Variants in LRFN2 observed in about 807,000 individuals in gnomAD.
The protein encoded by LRFN2 is leucine rich repeat and fibronectin type III domain containing 2.
In LRFN2, 18 loss-of-function variants were observed where a neutral mutation model predicts 37.3. That is an observed-to-expected ratio of 0.48 (90% confidence interval 0.33 to 0.72). LRFN2 has a LOEUF of 0.72. LRFN2 is among the 30% of genes least tolerant of loss of function. The probability of loss-of-function intolerance (pLI) is 0.02; values close to 1 mark genes in which losing one functional copy is unlikely to be tolerated. For missense variants in LRFN2, 1,006 were observed against 1,060.7 expected (o/e 0.95, Z 0.72); for synonymous variants, 556 against 466.6 (o/e 1.19, Z -2.47).
intron 2 of LRFN2, among the ~76,000 whole-genome samples, chr6:40,395,770 G>C (rs1762602400): frequency 6.6e-6 from 1 of 152,222 alleles, no homozygotes; most frequent in Admixed American, 6.5e-5. Flanking sequence ...GAAGTGTTAT[G>C]CAAAGATAAC....
chr6:40,402,065 T>G (rs1762751589), intron 2 of LRFN2, among the ~76,000 whole-genome samples: 1 of 152,134 alleles, frequency 6.6e-6, no homozygotes, highest in African/African-American at 2.4e-5. Flanking sequence ...TCCCAGATTC[T>G]CTCTCTTCCT....
chr6:40,547,334 A>T (rs904163964), intron 1 of LRFN2, among the ~76,000 whole-genome samples: 1 of 151,996 alleles, frequency 6.6e-6, no homozygotes, highest in Non-Finnish European at 1.5e-5. Context: ...CGAACTCCTG[A>T]CCTCAGGTGA....
intron 1 of LRFN2, among the ~76,000 whole-genome samples, chr6:40,519,709 C>T (rs1034644931): frequency 1.3e-5 from 2 of 152,180 alleles, no homozygotes; most frequent in Non-Finnish European, 2.9e-5. Flanking sequence ...TATTACTCAG[C>T]AAGTGCTGAC....
chr6:40,428,190 G>A (rs977541890), intron 2 of LRFN2, among the ~76,000 whole-genome samples: 6 of 152,216 alleles, frequency 3.9e-5, no homozygotes, highest in African/African-American at 1.4e-4. Context: ...TGCTGCTGTT[G>A]CTGCTGCTGC....
chr6:40,526,569 C>A (rs1421911757), intron 1 of LRFN2, among the ~76,000 whole-genome samples: 6 of 152,160 alleles, frequency 3.9e-5, no homozygotes, highest in Admixed American at 3.9e-4. Flanking sequence ...TCCACCATGG[C>A]AGCATTCTCC....
Position 40,431,868 on chromosome 6 carries a change from C to T in LRFN2, c.1246G>A (p.Glu416Lys). ...CGTTCCGGGGGGCTTTTGGGAGGCT[C>T]TCCGCCCCCACTGCCTCCACCTCCC... Reference protein sequence around the residue: ...SRGGGGSGGGEPPKSPPERAV... With the variant: ...SRGGGGSGGGKPPKSPPERAV... Residue 416 changes from glutamate to lysine, a missense_variant, in exon 2 of 3, where the codon GAG becomes AAG. Around this residue, in one of 4 missense-constraint regions of LRFN2, gnomAD observed 303 missense variants for 299.8 expected, o/e 1.01. Coordinates refer to ENST00000338305, the MANE Select transcript of LRFN2 (RefSeq NM_020737.3). 6.3e-7 allele frequency: 1 copy of T among 1,598,968 alleles called. No individual in the cohort carries two copies. Among genetic ancestry groups the T allele is most frequent in the Non-Finnish European group, 8.5e-7 (1 of 1,171,332 alleles).
chr6:40,564,678 T>C (rs1767056831), intron 1 of LRFN2, among the ~76,000 whole-genome samples: 1 of 152,214 alleles, frequency 6.6e-6, no homozygotes. Flanking sequence ...TTCCACAATG[T>C]AATTAGAGTG....
At chr6:40,400,383 G>A (rs1010122313) in intron 2 of LRFN2, among the ~76,000 whole-genome samples, 1 of 150,684 alleles carries the variant, frequency 6.6e-6, no homozygotes, top group Admixed American at 6.6e-5. Context: ...TCAGACACTG[G>A]CTGGTTCTGA....
chr6:40,437,660 T>G (rs907051768), intron 1 of LRFN2, among the ~76,000 whole-genome samples: 4 of 152,204 alleles, frequency 2.6e-5, no homozygotes, highest in Non-Finnish European at 5.9e-5. Context: ...CTTAATATGT[T>G]GTTCTAACAG....
At chr6:40,523,627 C>A (rs1451335979) in intron 1 of LRFN2, among the ~76,000 whole-genome samples, 4 of 151,752 alleles carry the variant, frequency 2.6e-5, no homozygotes, top group Admixed American at 1.3e-4. Context: ...TCTGTGCCAG[C>A]CCCTGGGCAG....
At chr6:40,583,288 G>A (rs185420413) in intron 1 of LRFN2, among the ~76,000 whole-genome samples, 1 of 136,274 alleles carries the variant, frequency 7.3e-6, no homozygotes, top group African/African-American at 2.9e-5. Context: ...GTGATTAGGA[G>A]AAACCCTCCA....
At position 40,431,750 on chromosome 6, in the gene LRFN2, T is replaced by C; in HGVS notation, c.1364A>G (p.Gln455Arg). The change falls in exon 2 of 3, where the codon CAG (glutamine) becomes CGG (arginine). Residue 455 changes from glutamine to arginine, a missense_variant. By Grantham distance (43) the Gln-to-Arg change is conservative. Around this residue, in one of 4 missense-constraint regions of LRFN2, gnomAD observed 120 missense variants for 178.4 expected, o/e 0.67. Coordinates refer to ENST00000338305, the MANE Select transcript of LRFN2 (RefSeq NM_020737.3). ...TACCTCATCGTCAGAGCAGTTGTACTGCAGCTGGTACATCTTCACCCGGGG... is the reference window on the plus strand; with the variant it reads ...TACCTCATCGTCAGAGCAGTTGTACCGCAGCTGGTACATCTTCACCCGGGG... Reference protein sequence around the residue: ...SAPRVKMYQLQYNCSDDEVLI... With the variant: ...SAPRVKMYQLRYNCSDDEVLI... The C allele has an allele frequency of 6.6e-7, 1 of 1,522,502 alleles. No individual in the cohort carries two copies. Among genetic ancestry groups the C allele is most frequent in the Non-Finnish European group, 8.8e-7 (1 of 1,135,630 alleles). The allele number at this position is 1,522,502 out of a possible 1,614,324, so 94.3% of individuals were successfully genotyped here. A position where few individuals can be genotyped will look rare whatever the true frequency, so the allele number is the denominator to read the frequency against.
rs753875355 is a variant in LRFN2, at chr6:40,392,954, T to C, written c.1401-42A>G. 9 of 1,377,964 alleles carry C rather than the reference T, an allele frequency of 6.5e-6. No individual in the cohort carries two copies. The highest frequency in any genetic ancestry group is 8.5e-6 in the Non-Finnish European group (9 of 1,058,248). The allele number at this position is 1,377,964 out of a possible 1,614,324, so 85.4% of individuals were successfully genotyped here. A position where few individuals can be genotyped will look rare whatever the true frequency, so the allele number is the denominator to read the frequency against. On this transcript the variant is annotated intron_variant, in intron 2 of 2. Coordinates refer to ENST00000338305, the MANE Select transcript of LRFN2 (RefSeq NM_020737.3). This position sits in a 1 kb window ranked among gnomAD's most constrained non-coding sequence, Gnocchi z 4.7. ...ACAGAAATAGTGAGGGGTGGTGGGG[T>C]GGAAGGACAGGGTGATGGGGAGTGG...
At chr6:40,401,128 T>C (rs1193119295) in intron 2 of LRFN2, among the ~76,000 whole-genome samples, 2 of 151,568 alleles carry the variant, frequency 1.3e-5, no homozygotes, top group Non-Finnish European at 2.9e-5. Context: ...CATTTGGGCC[T>C]CAGGAATAGG....
At position 40,431,835 on chromosome 6, in the gene LRFN2, G is replaced by A. The variant is rs1441971972; in HGVS notation, c.1279C>T (p.Leu427Phe). ...PPKSPPERAV[L>F]VSEVTTTSAL... The stretch of plus-strand genomic sequence containing the variant: ...GAGGTGGTGGTCACTTCAGACACAA[G>A]CACAGCCCGTTCCGGGGGGCTTTTG... The change falls in exon 2 of 3, where the codon CTT (leucine) becomes TTT (phenylalanine). Residue 427 changes from leucine (L) to phenylalanine (F), a missense_variant. By Grantham distance (22) the Leu-to-Phe change is conservative. Around this residue, in one of 4 missense-constraint regions of LRFN2, gnomAD observed 120 missense variants for 178.4 expected, o/e 0.67. Coordinates refer to ENST00000338305, the MANE Select transcript of LRFN2 (RefSeq NM_020737.3). 6.3e-7 allele frequency: 1 copy of A among 1,576,642 alleles called. No individual in the cohort carries two copies.
At chr6:40,442,615 T>A (rs1024440730) in intron 1 of LRFN2, among the ~76,000 whole-genome samples, 4 of 151,904 alleles carry the variant, frequency 2.6e-5, no homozygotes, top group African/African-American at 9.7e-5. Context: ...GGGTCTCCTC[T>A]CAGACTAGGG....
chr6:40,446,202 C>G (rs1421860358), intron 1 of LRFN2, among the ~76,000 whole-genome samples: 1 of 152,224 alleles, frequency 6.6e-6, no homozygotes, highest in East Asian at 1.9e-4. Flanking sequence ...CTTCCTCCAG[C>G]CTGGCCACTC....
intron 1 of LRFN2, among the ~76,000 whole-genome samples, chr6:40,462,370 T>C (rs1230452080): frequency 1.4e-4 from 22 of 152,268 alleles, no homozygotes; most frequent in Admixed American, 6.5e-5. Context: ...GGTACCCTCT[T>C]GGCTTTGGCT....
chr6:40,520,681 AGAGGGGCCTCTG>A (rs200167335), intron 1 of LRFN2, among the ~76,000 whole-genome samples: 2,489 of 152,170 alleles, frequency 0.016, 22 homozygotes, highest in Non-Finnish European at 0.023. Context: ...GCCAGCAAGG[AGAGGGGCCTCTG>A]GAGGCTGGTG....
Sources: allele counts gnomAD v4.1 joint callset (sites outside exome capture counted in the v4.1 genomes callset), GRCh38; gene constraint gnomAD v4.1.1; regional missense constraint gnomAD v4.1.1; non-coding constraint Gnocchi (gnomAD v3.1); transcripts MANE v1.5; gene names NCBI Gene and HGNC (gene_info 2026-07-23, HGNC 2026-07-21).